Variants in CTNNA3 observed in about 807,000 individuals in gnomAD.
CTNNA3 encodes the protein catenin alpha 3, also known as catenin alpha-3.
Under a neutral mutation model 95.7 loss-of-function variants are expected in CTNNA3, and 76 were observed. The ratio of observed to expected loss-of-function variants is 0.79; its 90% CI spans 0.66 to 0.96. The LOEUF is 0.96. Ranked by LOEUF, CTNNA3 falls within the 40% of genes least tolerant of loss-of-function variation. The probability of loss-of-function intolerance (pLI) is 0.00; values close to 1 mark genes in which losing one functional copy is unlikely to be tolerated. For synonymous variants in CTNNA3, 431 were observed against 374.4 expected (o/e 1.15, Z -1.74); for missense variants, 1,191 against 1,089.8 (o/e 1.09, Z -1.31).
At position 66,317,401 on chromosome 10, in the gene CTNNA3, T is replaced by C. The variant is rs141374992; in HGVS notation, c.1733-36780A>G. Among the ~76,000 whole-genome samples the C allele has an allele frequency of 2.2e-3, 332 of 152,130 alleles. 5 individuals carry two copies. Among genetic ancestry groups the C allele is most frequent in the Non-Finnish European group, 2.0e-3 (136 of 67,950 alleles). Reference sequence around the variant, plus strand: ...ATAAAAAGAAATTTTAAGCCGGGCGTGGTGGCTCACACCTGTAATCCCAGC... The same window carrying C: ...ATAAAAAGAAATTTTAAGCCGGGCGCGGTGGCTCACACCTGTAATCCCAGC... On this transcript the variant is annotated intron_variant, in intron 12 of 17. Coordinates refer to ENST00000433211, the MANE Select transcript of CTNNA3 (RefSeq NM_013266.4).
At chr10:67,031,690 G>C (rs1348929683) in intron 7 of CTNNA3, among the ~76,000 whole-genome samples, 1 of 152,062 alleles carries the variant, frequency 6.6e-6, no homozygotes, top group Non-Finnish European at 1.5e-5. Flanking sequence ...ATTGAAATAC[G>C]CACTTTGAGT....
rs570734856 is a variant in CTNNA3 at position 67,362,353 on chromosome 10, A to G, written c.580-142483T>C. ...AACTACAGGCCAACATCCCTAATGA[A>G]CATGGATGCAAAAATCCCCAGCAAA... On this transcript the variant is annotated intron_variant, in intron 5 of 17. Coordinates refer to ENST00000433211, the MANE Select transcript of CTNNA3 (RefSeq NM_013266.4). Among the ~76,000 whole-genome samples, 4 of 152,274 alleles carry G rather than the reference A, an allele frequency of 2.6e-5. No individual in the cohort carries two copies. In the South Asian group the frequency reaches 6.2e-4, roughly 24 times the overall value.
chr10:66,763,952 A>G lies in CTNNA3; in HGVS notation c.1281+2312T>C, dbSNP rs551487653. ...TGACAGCAATCACACGAGAAACCTTAAGCAAAAATTGCCCAGCTCTTCCCA... is the reference window on the plus strand; with the variant it reads ...TGACAGCAATCACACGAGAAACCTTGAGCAAAAATTGCCCAGCTCTTCCCA... On this transcript the variant is annotated intron_variant, in intron 9 of 17. Coordinates refer to ENST00000433211, the MANE Select transcript of CTNNA3 (RefSeq NM_013266.4). Among the ~76,000 whole-genome samples the G allele has an allele frequency of 9.9e-5, 15 of 152,252 alleles. No homozygotes were observed. In the South Asian group the frequency reaches 3.1e-3, roughly 32 times the overall value.
upstream of CTNNA3, among the ~76,000 whole-genome samples, chr10:67,699,313 T>A (rs1841014954): frequency 1.3e-5 from 2 of 152,186 alleles, no homozygotes; most frequent in African/African-American, 2.4e-5. Context: ...CACCCCTATG[T>A]TTTTACCTCT....
rs569295884 is a variant in CTNNA3, at chr10:66,822,065, TTA to T, written c.1048-46543_1048-46542del. On this transcript the variant is annotated intron_variant, in intron 7 of 17. Coordinates refer to ENST00000433211, the MANE Select transcript of CTNNA3 (RefSeq NM_013266.4). The stretch of plus-strand genomic sequence containing the variant: ...TGTTTACATTATATAAAGTATATAA[TTA>T]TGTTATATAAAATTACATATATTAT... Among the ~76,000 whole-genome samples, 481 of 149,458 alleles carry T rather than the reference TTA, an allele frequency of 3.2e-3. 1 individual carries two copies. The highest frequency in any genetic ancestry group is 0.011 in the African/African-American group (449 of 41,042).
intron 7 of CTNNA3, among the ~76,000 whole-genome samples, chr10:66,822,880 T>C (rs1842350231): frequency 6.6e-6 from 1 of 152,096 alleles, no homozygotes; most frequent in Non-Finnish European, 1.5e-5. Flanking sequence ...TTTTTTTAGG[T>C]GTAAGATTAT....
chr10:66,775,070 T>G (rs1333911126), intron 8 of CTNNA3, among the ~76,000 whole-genome samples: 2 of 152,176 alleles, frequency 1.3e-5, no homozygotes, highest in Non-Finnish European at 2.9e-5. Context: ...CCCTAAAAAC[T>G]TGCTATGGGT....
intron 13 of CTNNA3, among the ~76,000 whole-genome samples, chr10:66,128,629 T>A (rs2082937805): frequency 1.3e-5 from 2 of 152,192 alleles, no homozygotes; most frequent in African/African-American, 4.8e-5. Context: ...GATCAACAGT[T>A]GCCAGGGCTT....
intron 14 of CTNNA3, among the ~76,000 whole-genome samples, chr10:66,083,585 A>G (rs2133655316): frequency 6.6e-6 from 1 of 152,332 alleles, no homozygotes; most frequent in East Asian, 1.9e-4. Context: ...GATATTAAAG[A>G]TTTTGAAAGG....
chr10:66,334,148 A>C (rs2092366798), intron 12 of CTNNA3, among the ~76,000 whole-genome samples: 1 of 151,938 alleles, frequency 6.6e-6, no homozygotes, highest in South Asian at 2.1e-4. Flanking sequence ...GGGTTTCCTG[A>C]ATACAGCACA....
chr10:67,427,344 C>T (rs1317224624), intron 5 of CTNNA3, among the ~76,000 whole-genome samples: 1 of 151,966 alleles, frequency 6.6e-6, no homozygotes, highest in East Asian at 1.9e-4. Flanking sequence ...CCTGGAGAAT[C>T]TTCCTGGAGG....
At position 66,863,803 on chromosome 10, in the gene CTNNA3, G is replaced by C. The variant is rs561509827; in HGVS notation, c.1048-88279C>G. On this transcript the variant is annotated intron_variant, in intron 7 of 17. Transcript: ENST00000433211. ...GTGTCTAATTGTGTCACTAGGAGGAGACCTCCTAGTGATCTGGTGTGGACA... is the reference window on the plus strand; with the variant it reads ...GTGTCTAATTGTGTCACTAGGAGGACACCTCCTAGTGATCTGGTGTGGACA... 2.8e-3 allele frequency among the ~76,000 whole-genome samples: 432 copies of C among 152,174 alleles called. 4 individuals carry two copies. The highest frequency in any genetic ancestry group is 4.9e-3 in the Non-Finnish European group (332 of 67,996).
At chr10:66,656,577 CT>C (rs1241083364) in intron 9 of CTNNA3, among the ~76,000 whole-genome samples, 1 of 152,108 alleles carries the variant, frequency 6.6e-6, no homozygotes, top group African/African-American at 2.4e-5. Flanking sequence ...CATTCTAACA[CT>C]GAAAGTCTGC....
At chr10:67,542,505 C>T (rs562646147) in intron 3 of CTNNA3, among the ~76,000 whole-genome samples, 1 of 152,118 alleles carries the variant, frequency 6.6e-6, no homozygotes, top group East Asian at 1.9e-4. Context: ...TATGAATGAA[C>T]ATTATTCAAC....
chr10:66,612,899 A>G (rs910534227), intron 10 of CTNNA3, among the ~76,000 whole-genome samples: 5 of 151,922 alleles, frequency 3.3e-5, no homozygotes, highest in African/African-American at 1.2e-4. Flanking sequence ...TTCTCATGCC[A>G]TTTCCACCGA....
chr10:66,365,201 A>G (rs2092702933), intron 12 of CTNNA3, among the ~76,000 whole-genome samples: 1 of 152,202 alleles, frequency 6.6e-6, no homozygotes, highest in African/African-American at 2.4e-5. Context: ...AATACTATGC[A>G]GCCATAAAAA....
intron 11 of CTNNA3, among the ~76,000 whole-genome samples, chr10:66,395,865 C>T (rs760550404): frequency 2.6e-5 from 4 of 151,854 alleles, no homozygotes; most frequent in Admixed American, 6.6e-5. Context: ...GGTTTGGGCT[C>T]CTAGCATACC....
At chr10:66,406,680 A>G (rs1249113664) in intron 11 of CTNNA3, among the ~76,000 whole-genome samples, 1 of 152,122 alleles carries the variant, frequency 6.6e-6, no homozygotes, top group Non-Finnish European at 1.5e-5. Context: ...AACACTAATC[A>G]AGCAACCTGC....
At chr10:66,815,873 G>A (rs1423082526) in intron 7 of CTNNA3, among the ~76,000 whole-genome samples, 1 of 152,076 alleles carries the variant, frequency 6.6e-6, no homozygotes, top group Non-Finnish European at 1.5e-5. Context: ...TGAAATAAAA[G>A]GACATAAGAC....
Sources: gnomAD v4.1 joint callset for allele counts (sites outside exome capture counted in the v4.1 genomes callset) on GRCh38, gnomAD v4.1.1 for gene constraint, MANE v1.5 for transcripts, NCBI Gene and HGNC (gene_info 2026-07-23, HGNC 2026-07-21) for gene names.